The following GLRA3 variants were observed in gnomAD, a reference collection of about 807,000 sequenced individuals.
GLRA3 encodes glycine receptor alpha 3.
A neutral mutation model predicts 60.4 loss-of-function variants in GLRA3; 44 were observed. The observed-to-expected ratio is 0.73, with a 90% CI of 0.57 to 0.94. The LOEUF is 0.94. Ranked by LOEUF, GLRA3 falls within the 40% of genes least tolerant of loss-of-function variation. The probability of loss-of-function intolerance (pLI) is 0.00; values close to 1 mark genes in which losing one functional copy is unlikely to be tolerated. For synonymous variants in GLRA3, 223 were observed against 192.9 expected (o/e 1.16, Z -1.29); for missense variants, 508 against 564.6 (o/e 0.90, Z 1.02).
At chr4:174,765,931 T>C (rs1738120873) in intron 3 of GLRA3, among the ~76,000 whole-genome samples, 1 of 147,570 alleles carries the variant, frequency 6.8e-6, no homozygotes. Context: ...ATTGCATACA[T>C]GAGGGAAACA....
chr4:174,679,320 C>CA lies in GLRA3; in HGVS notation c.713-2029dup, dbSNP rs200487702. Among the ~76,000 whole-genome samples the CA allele has an allele frequency of 8.2e-3, 1,236 of 151,574 alleles. 19 individuals are homozygous for CA. Among genetic ancestry groups the CA allele is most frequent in the African/African-American group, 0.026 (1,093 of 41,276 alleles). On this transcript the variant is annotated intron_variant, in intron 6 of 9. Transcript: ENST00000274093. The stretch of plus-strand genomic sequence containing the variant: ...TGGGTGACAGAGCGAGACTCCAACT[C>CA]AAAAAAACAAAACAAAACAAAGCAA...
At chr4:174,769,902 T>C (rs765520005) in intron 2 of GLRA3, among the ~76,000 whole-genome samples, 4 of 152,158 alleles carry the variant, frequency 2.6e-5, no homozygotes, top group Non-Finnish European at 5.9e-5. Flanking sequence ...AAGATACTTT[T>C]TCACTATTTT....
chr4:174,811,632 C>T (rs562817125), intron 1 of GLRA3, among the ~76,000 whole-genome samples: 1 of 152,222 alleles, frequency 6.6e-6, no homozygotes, highest in African/African-American at 2.4e-5. Context: ...TCATAATTCT[C>T]TTTACTAGCC....
chr4:174,691,883 T>C (rs1734835305), intron 5 of GLRA3, among the ~76,000 whole-genome samples: 1 of 149,604 alleles, frequency 6.7e-6, no homozygotes, highest in Non-Finnish European at 1.5e-5. Flanking sequence ...CCCCTCTGCC[T>C]GGCTGCCCAG....
At chr4:174,720,778 A>G (rs1412211478) in intron 4 of GLRA3, among the ~76,000 whole-genome samples, 1 of 152,164 alleles carries the variant, frequency 6.6e-6, no homozygotes, top group Non-Finnish European at 1.5e-5. Context: ...ATGTACATGG[A>G]GTATCATATC....
At chr4:174,735,082 T>A (rs1233470047) in intron 3 of GLRA3, among the ~76,000 whole-genome samples, 1 of 152,144 alleles carries the variant, frequency 6.6e-6, no homozygotes, top group Non-Finnish European at 1.5e-5. Flanking sequence ...CCCCCATTCA[T>A]CCACCAGCCC....
chr4:174,748,098 A>T (rs531493597), intron 3 of GLRA3, among the ~76,000 whole-genome samples: 1 of 152,340 alleles, frequency 6.6e-6, no homozygotes, highest in African/African-American at 2.4e-5. Context: ...TAGCAAAGGC[A>T]GTGCCTCTGA....
intron 1 of GLRA3, among the ~76,000 whole-genome samples, chr4:174,827,244 A>T (rs6820947): frequency 0.085 from 12,841 of 151,938 alleles, 625 homozygotes; most frequent in South Asian, 0.12. Context: ...AAAGTCAGAG[A>T]ATCTAGTGAT....
At chr4:174,715,695 T>A in intron 4 of GLRA3, 125 bp from the exon 5 acceptor site, 1 of 538,528 alleles carries the variant, frequency 1.9e-6, no homozygotes, top group Non-Finnish European at 3.4e-6. Flanking sequence ...TTCTCCAGCT[T>A]ATGTATCCTA....
chr4:174,714,533 A>G (rs1244297437), intron 5 of GLRA3, among the ~76,000 whole-genome samples: 1 of 152,212 alleles, frequency 6.6e-6, no homozygotes, highest in African/African-American at 2.4e-5. Flanking sequence ...ACTTCTTAAG[A>G]AAAACCAAAC....
chr4:174,709,683 T>C lies in GLRA3; in HGVS notation c.574+5805A>G, dbSNP rs997164029. On this transcript the variant is annotated intron_variant, in intron 5 of 9. Transcript: ENST00000274093. ...AGTTACATGAAACTCTGTTGAGATT[T>C]GAGGAATAAGCACATTCCCAGAGAG... Among the ~76,000 whole-genome samples the C allele has an allele frequency of 6.6e-5, 10 of 152,188 alleles. No individual in the cohort carries two copies. In the South Asian group the frequency reaches 1.0e-3, roughly 16 times the overall value.
At chr4:174,751,206 GATA>G (rs1338529150) in intron 3 of GLRA3, among the ~76,000 whole-genome samples, 1 of 151,986 alleles carries the variant, frequency 6.6e-6, no homozygotes, top group Admixed American at 6.6e-5. Flanking sequence ...GTTAAAGCAT[GATA>G]GAAACATCAT....
In GLRA3 at chr4:174,641,249, A is replaced by G. The variant is rs1163308285; in HGVS notation, c.*2537T>C. 1 of 152,148 alleles carries G rather than the reference A, an allele frequency of 6.6e-6. No homozygotes were observed. Among genetic ancestry groups the G allele is most frequent in the Non-Finnish European group, 1.5e-5 (1 of 67,976 alleles). 9.4% of individuals were successfully genotyped at this position (152,148 alleles called of 1,614,324 possible). The stretch of plus-strand genomic sequence containing the variant: ...TGTGTTTAGTAGTTAATGTATATGC[A>G]CACATTTTTAATTTCTTGCCATTAA... On this transcript the variant is annotated 3_prime_UTR_variant, in exon 10 of 10. Transcript: ENST00000274093.
rs1015657799 is a variant in GLRA3, at chr4:174,743,388, G to GTCTTTTT, written c.268-14697_268-14691dup. 3.3e-5 allele frequency among the ~76,000 whole-genome samples: 5 copies of GTCTTTTT among 151,894 alleles called. No homozygotes were observed. In the East Asian group the frequency reaches 7.7e-4, roughly 23 times the overall value. ...TCTTCTAATCTGTGACAGCCCCATA[G>GTCTTTTT]TCTTTTTTTTCTTTTTTCATTTTTT... On this transcript the variant is annotated intron_variant, in intron 3 of 9. Coordinates refer to ENST00000274093, the MANE Select transcript of GLRA3 (RefSeq NM_006529.4).
At chr4:174,644,191 G>A in intron 9 of GLRA3, 127 bp from the exon 10 acceptor site, 1 of 642,388 alleles carries the variant, frequency 1.6e-6, no homozygotes, top group South Asian at 2.2e-5. Context: ...GATAACCGAA[G>A]CATATAAAGA....
intron 4 of GLRA3, among the ~76,000 whole-genome samples, chr4:174,727,288 A>G (rs1354092190): frequency 1.3e-5 from 2 of 152,220 alleles, no homozygotes; most frequent in Non-Finnish European, 2.9e-5. Flanking sequence ...TTAGAATCCT[A>G]CTATTTTATC....
Position 174,788,953 on chromosome 4 carries a change from A to G in GLRA3, c.72-10T>C. ...CTTTGTGGCAACCAAACTACAAATA[A>G]GAACAAAAATATAGACTTTACAAAA... On this transcript the variant is annotated splice_polypyrimidine_tract_variant and intron_variant, in intron 1 of 9. Transcript: ENST00000274093. 1 of 1,555,270 alleles carries G rather than the reference A, an allele frequency of 6.4e-7. No individual in the cohort carries two copies. Among genetic ancestry groups the G allele is most frequent in the South Asian group, 1.2e-5 (1 of 83,304 alleles).
At chr4:174,826,745 A>G (rs1234711123) in intron 1 of GLRA3, among the ~76,000 whole-genome samples, 1 of 152,102 alleles carries the variant, frequency 6.6e-6, no homozygotes, top group Non-Finnish European at 1.5e-5. Flanking sequence ...TAATGCCAAT[A>G]CTTTCTTTTG....
At chr4:174,665,952 G>A (rs902334743) in intron 7 of GLRA3, among the ~76,000 whole-genome samples, 4 of 152,128 alleles carry the variant, frequency 2.6e-5, no homozygotes, top group African/African-American at 7.2e-5. Flanking sequence ...CACAACAATA[G>A]AGGGAATCAT....
Sources: allele counts gnomAD v4.1 joint callset (sites outside exome capture counted in the v4.1 genomes callset), GRCh38; gene constraint gnomAD v4.1.1; transcripts MANE v1.5; gene names NCBI Gene and HGNC (gene_info 2026-07-23, HGNC 2026-07-21).